DMD: variants seen among roughly 807,000 people sequenced by gnomAD.
DMD encodes dystrophin, also known as mutant dystrophin.
DMD carries 63 observed loss-of-function variants against 330.1 expected under a neutral mutation model. The ratio of observed to expected loss-of-function variants is 0.19; its 90% confidence interval spans 0.16 to 0.24. DMD has a LOEUF of 0.24. Ranked by LOEUF, DMD falls within the 10% of genes least tolerant of loss-of-function variation. The probability of loss-of-function intolerance (pLI) is 1.00; values close to 1 mark genes in which losing one functional copy is unlikely to be tolerated. For missense variants in DMD, 3,344 were observed against 2,684.1 expected, an observed-to-expected ratio of 1.25 and a Z score of -5.43; for synonymous variants, 1,223 against 959.8, an observed-to-expected ratio of 1.27 and a Z score of -5.07.
At chrX:31,128,587 T>G (rs2147699154) in intron 77 of DMD, among the ~76,000 whole-genome samples, 1 of 112,616 alleles carries the variant, frequency 8.9e-6, no homozygotes, top group Admixed American at 9.4e-5. Flanking sequence ...CTTTGAATGC[T>G]TAATGATACA....
intron 1 of DMD, among the ~76,000 whole-genome samples, chrX:33,090,973 A>G (rs983975194): frequency 2.7e-5 from 3 of 110,946 alleles, no homozygotes; most frequent in Non-Finnish European, 5.7e-5. Context: ...TATGGCGAGA[A>G]GCTGATCTCA....
intron 9 of DMD, among the ~76,000 whole-genome samples, chrX:32,669,844 T>C (rs1159561044): frequency 9.0e-6 from 1 of 111,088 alleles, no homozygotes; most frequent in African/African-American, 3.3e-5. Context: ...ATAAAATGTA[T>C]CTCCTTGAGC....
intron 17 of DMD, among the ~76,000 whole-genome samples, chrX:32,531,131 C>T (rs1348668002): frequency 9.0e-6 from 1 of 110,827 alleles, no homozygotes; most frequent in Non-Finnish European, 1.9e-5. Context: ...ATAAAATGTC[C>T]AAAGATATAG....
chrX:32,653,173 T>A (rs1320748688), intron 9 of DMD, among the ~76,000 whole-genome samples: 1 of 112,107 alleles, frequency 8.9e-6, no homozygotes, highest in African/African-American at 3.2e-5. Context: ...TTAGATCCCA[T>A]TTGTCAATTT....
chrX:31,122,805 C>A (rs1230485215), intron 78 of DMD, among the ~76,000 whole-genome samples: 2 of 111,578 alleles, frequency 1.8e-5, no homozygotes, highest in Non-Finnish European at 3.8e-5. Context: ...TCTCCCAGCA[C>A]GGAGAAAAAG....
At chrX:32,434,224 A>G (rs770569068) in intron 29 of DMD, among the ~76,000 whole-genome samples, 1 of 111,950 alleles carries the variant, frequency 8.9e-6, no homozygotes, top group East Asian at 2.8e-4. Flanking sequence ...CAAACCTCTG[A>G]CATAGGCACT....
chrX:33,146,060 T>A (rs1416200756), intron 1 of DMD, among the ~76,000 whole-genome samples: 1 of 109,973 alleles, frequency 9.1e-6, no homozygotes, highest in African/African-American at 3.3e-5. Flanking sequence ...CTCATTTTTT[T>A]TAAATATATA....
At chrX:32,904,034 C>T (rs779211621) in intron 2 of DMD, among the ~76,000 whole-genome samples, 1 of 111,492 alleles carries the variant, frequency 9.0e-6, no homozygotes, top group African/African-American at 3.3e-5. Context: ...AACTGTCAAA[C>T]CAGGTAAGGA....
intron 55 of DMD, among the ~76,000 whole-genome samples, chrX:31,525,418 T>C (rs2073168689): frequency 8.9e-6 from 1 of 112,081 alleles, no homozygotes; most frequent in Non-Finnish European, 1.9e-5. Flanking sequence ...CTATTTCATT[T>C]AGCACAATAT....
At chrX:31,622,135 C>T (rs755252682) in intron 55 of DMD, among the ~76,000 whole-genome samples, 1 of 111,785 alleles carries the variant, frequency 8.9e-6, no homozygotes, top group South Asian at 3.7e-4. Flanking sequence ...TTGCTAGACC[C>T]TGTCCAGCTC....
chrX:31,687,043 T>A (rs2082731451), intron 52 of DMD, among the ~76,000 whole-genome samples: 1 of 111,062 alleles, frequency 9.0e-6, no homozygotes, highest in African/African-American at 3.3e-5. Flanking sequence ...AGTTCCTGGA[T>A]AGCATTTCTA....
chrX:31,204,740 A>G (rs769318510), intron 66 of DMD, among the ~76,000 whole-genome samples: 2 of 112,053 alleles, frequency 1.8e-5, no homozygotes, highest in Non-Finnish European at 3.8e-5. Context: ...CTCCTGCCTC[A>G]GCCGCCTGAG....
intron 26 of DMD, among the ~76,000 whole-genome samples, chrX:32,449,058 A>C (rs1460168350): frequency 1.8e-5 from 2 of 111,146 alleles, no homozygotes; most frequent in Non-Finnish European, 3.8e-5. Flanking sequence ...CACAAATATC[A>C]TTATTTAAGT....
At chrX:31,234,042 T>C (rs947851321) in intron 63 of DMD, among the ~76,000 whole-genome samples, 1 of 112,071 alleles carries the variant, frequency 8.9e-6, no homozygotes, top group Non-Finnish European at 1.9e-5. Context: ...AGACTCACAT[T>C]CTCATAGAAC....
At chrX:32,287,015 A>T in intron 43 of DMD, among the ~76,000 whole-genome samples, 1 of 111,736 alleles carries the variant, frequency 8.9e-6, no homozygotes, top group East Asian at 2.8e-4. Flanking sequence ...TTCAATTAAG[A>T]TAAAAAGAAA....
intron 52 of DMD, among the ~76,000 whole-genome samples, chrX:31,695,330 A>T (rs2083387292): frequency 9.0e-6 from 1 of 110,891 alleles, no homozygotes; most frequent in African/African-American, 3.3e-5. Context: ...AAAAATAGTT[A>T]GAAAGAATGA....
intron 65 of DMD, among the ~76,000 whole-genome samples, chrX:31,207,220 G>A (rs946063824): frequency 4.5e-5 from 5 of 111,364 alleles, no homozygotes; most frequent in East Asian, 2.8e-4. Flanking sequence ...GTTTATCTCC[G>A]TAAGAAAAAT....
chrX:31,969,739 G>A (rs937648219), intron 44 of DMD, among the ~76,000 whole-genome samples: 11 of 111,409 alleles, frequency 9.9e-5, no homozygotes, highest in Non-Finnish European at 2.1e-4. Flanking sequence ...GGAAATTTTG[G>A]TAGCATACAG....
chrX:31,147,737 C>T (rs1445083065), intron 74 of DMD, among the ~76,000 whole-genome samples: 1 of 108,872 alleles, frequency 9.2e-6, no homozygotes, highest in Non-Finnish European at 1.9e-5. Context: ...GAAGCTTTTG[C>T]CTGGTGTGTG....
Sources: gnomAD v4.1 joint callset for allele counts (sites outside exome capture counted in the v4.1 genomes callset) on GRCh38, gnomAD v4.1.1 for gene constraint, MANE v1.5 for transcripts, NCBI Gene and HGNC (gene_info 2026-07-23, HGNC 2026-07-21) for gene names.